Variants in NME5 observed in about 807,000 individuals in gnomAD.
NME5 encodes nucleoside diphosphate kinase 5.
NME5 carries 18 observed loss-of-function variants against 21.6 expected under a neutral mutation model. That is an observed-to-expected ratio of 0.83 (90% CI 0.58 to 1.24). The LOEUF (loss-of-function observed/expected upper bound fraction) is 1.24. Among genes scored for constraint, NME5 ranks in the 50% most tolerant of loss-of-function variants. The pLI, the probability that NME5 is intolerant of heterozygous loss-of-function variation, is 0.00. For missense variants in NME5, 223 were observed against 255.4 expected (o/e 0.87, Z 0.86); for synonymous variants, 70 against 80.6 (o/e 0.87, Z 0.71).
At chr5:138,137,321 T>A (rs2151172282) in intron 2 of NME5, among the ~76,000 whole-genome samples, 1 of 151,960 alleles carries the variant, frequency 6.6e-6, no homozygotes, top group Admixed American at 6.6e-5. Flanking sequence ...TCTCTTTATT[T>A]ATTTATTTAT....
chr5:138,120,205 C>T (rs954341360), intron 4 of NME5, among the ~76,000 whole-genome samples: 1 of 146,442 alleles, frequency 6.8e-6, no homozygotes, highest in East Asian at 2.0e-4. Context: ...GCTGGATTTA[C>T]AGGTGCAAAC....
At chr5:138,136,106 T>G (rs1398187274) in intron 2 of NME5, among the ~76,000 whole-genome samples, 4 of 152,212 alleles carry the variant, frequency 2.6e-5, no homozygotes, top group African/African-American at 9.6e-5. Context: ...TTTTCAATCT[T>G]TTGTTGATAA....
chr5:138,126,187 A>G (rs1751420080), intron 4 of NME5, among the ~76,000 whole-genome samples: 1 of 152,200 alleles, frequency 6.6e-6, no homozygotes, highest in African/African-American at 2.4e-5. Context: ...GATTAATTTA[A>G]TGAGTAAAAT....
At chr5:138,118,377 G>T (rs533690621) in intron 5 of NME5, among the ~76,000 whole-genome samples, 1 of 151,954 alleles carries the variant, frequency 6.6e-6, no homozygotes, top group Non-Finnish European at 1.5e-5. Flanking sequence ...CACCCACCTC[G>T]GCCTCCCAAA....
In NME5 at chr5:138,117,808, C is replaced by A. The variant is rs1184552567; in HGVS notation, c.555+1010G>T. On this transcript the variant is annotated intron_variant, in intron 5 of 5. Coordinates refer to ENST00000265191, the MANE Select transcript of NME5 (RefSeq NM_003551.3). ...GACCAGCCTGGCCAACATGAAGAAA[C>A]CCTGTCTCTACTAAAAATACAAAAA... Among the ~76,000 whole-genome samples, 4 of 152,052 alleles carry A rather than the reference C, an allele frequency of 2.6e-5. No homozygotes were observed. The East Asian group carries it at 5.9e-4, about 22-fold the overall frequency.
At chr5:138,120,228 C>CTTTT (rs1561586430) in intron 4 of NME5, among the ~76,000 whole-genome samples, 1 of 40,394 alleles carries the variant, frequency 2.5e-5, no homozygotes, top group Non-Finnish European at 5.9e-5. Context: ...CTGCTCCCAG[C>CTTTT]TCTTTTTTTT....
intron 2 of NME5, among the ~76,000 whole-genome samples, chr5:138,137,698 G>A (rs908925640): frequency 2.6e-5 from 4 of 150,998 alleles, no homozygotes; most frequent in Admixed American, 1.3e-4. Context: ...TTGGAAGTTC[G>A]AATGAGAATA....
chr5:138,115,722 GT>G lies in NME5; in HGVS notation c.597del (p.Lys199AsnfsTer10), dbSNP rs1751142564. ...ADWLLKNNPN[K>X]PKLCHHPIVE... Reference sequence around the variant, plus strand: ...ACAATTGGATGGTGACAAAGTTTGGGTTTGTTAGGATTATTTTTCAGCAGCC... The same window carrying G: ...ACAATTGGATGGTGACAAAGTTTGGGTTGTTAGGATTATTTTTCAGCAGCC... On this transcript the variant is annotated frameshift_variant, in exon 6 of 6. Transcript: ENST00000265191. LOFTEE classifies it high-confidence loss of function. The G allele has an allele frequency of 1.3e-6, 2 of 1,578,786 alleles. No homozygotes were observed. Among genetic ancestry groups the G allele is most frequent in the Non-Finnish European group, 1.7e-6 (2 of 1,169,144 alleles).
At chr5:138,132,675 G>A (rs531637290) in intron 2 of NME5, among the ~76,000 whole-genome samples, 2 of 152,266 alleles carry the variant, frequency 1.3e-5, no homozygotes, top group African/African-American at 4.8e-5. Flanking sequence ...TGCTTGGTTT[G>A]TAGCAAGGGA....
At chr5:138,115,834 A>C (rs1328092700) in intron 5 of NME5, 70 bp from the exon 6 acceptor site, 6 of 988,750 alleles carry the variant, frequency 6.1e-6, no homozygotes, top group Non-Finnish European at 7.3e-6. Flanking sequence ...ATACTATATC[A>C]ATTGGAAACT....
intron 4 of NME5, 47 bp from the exon 5 acceptor site, chr5:138,118,983 T>C: frequency 9.3e-7 from 1 of 1,071,060 alleles, no homozygotes; most frequent in Non-Finnish European, 1.4e-6. Flanking sequence ...AATGATTAAA[T>C]ACTATACAAT....
At chr5:138,131,043 C>G (rs1288506741) in intron 2 of NME5, among the ~76,000 whole-genome samples, 1 of 151,366 alleles carries the variant, frequency 6.6e-6, no homozygotes, top group Non-Finnish European at 1.5e-5. Context: ...CCAGCCTAGC[C>G]AACATGGTGA....
rs1554090660 is a variant in NME5 at position 138,138,595 on chromosome 5, A to T, written c.129+57T>A. 5.1e-6 allele frequency: 6 copies of T among 1,181,534 alleles called. No homozygotes were observed. The Admixed American group carries it at 7.4e-5, about 15-fold the overall frequency. The allele number at this position is 1,181,534 out of a possible 1,614,324, so 73.2% of individuals were successfully genotyped here. On this transcript the variant is annotated intron_variant, in intron 2 of 5. Transcript: ENST00000265191. ...AATGGGTAGGCACATTTACATAAGCATTTTTTTTTTAAGGGCAGAGAGGAA... is the reference window on the plus strand; with the variant it reads ...AATGGGTAGGCACATTTACATAAGCTTTTTTTTTTTAAGGGCAGAGAGGAA...
chr5:138,115,601 G>T lies in NME5; in HGVS notation c.*80C>A. 2.5e-6 allele frequency: 2 copies of T among 792,416 alleles called. No individual in the cohort carries two copies. The highest frequency in any genetic ancestry group is 1.9e-6 in the Non-Finnish European group (1 of 513,600). 49.1% of individuals were successfully genotyped at this position (792,416 alleles called of 1,614,324 possible). A position where few individuals can be genotyped will look rare whatever the true frequency, so the allele number is the denominator to read the frequency against. On this transcript the variant is annotated 3_prime_UTR_variant, in exon 6 of 6. Transcript: ENST00000265191. Reference sequence around the variant, plus strand: ...TTTACTTGTAGTTACTTAAACCCTAGAAATAATTTTTTCAAACAGTAGAAG... The same window carrying T: ...TTTACTTGTAGTTACTTAAACCCTATAAATAATTTTTTCAAACAGTAGAAG...
At position 138,115,742 on chromosome 5, in the gene NME5, A is replaced by T. The variant is rs764132401; in HGVS notation, c.578T>A (p.Leu193Gln). ...TTTGGGTTTGTTAGGATTATTTTTC[A>T]GCAGCCAATCAGCTAGCCAAATCTA... ...DPLIWLADWL[L>Q]KNNPNKPKLC... The change falls in exon 6 of 6, where the codon CTG (leucine) becomes CAG (glutamine). Residue 193 changes from leucine (L) to glutamine (Q), a missense_variant. Physicochemically the swap from Leu to Gln is moderately radical, Grantham distance 113. Transcript: ENST00000265191. The T allele has an allele frequency of 6.3e-7, 1 of 1,584,498 alleles. No homozygotes were observed. The highest frequency in any genetic ancestry group is 2.3e-5 in the East Asian group (1 of 44,426).
intron 5 of NME5, among the ~76,000 whole-genome samples, chr5:138,117,463 A>C (rs954230713): frequency 6.6e-6 from 1 of 152,140 alleles, no homozygotes; most frequent in Non-Finnish European, 1.5e-5. Context: ...CATATATCTA[A>C]TAAGGGTTTA....
At chr5:138,126,608 T>C (rs1032269807) in intron 4 of NME5, among the ~76,000 whole-genome samples, 4 of 147,136 alleles carry the variant, frequency 2.7e-5, no homozygotes, top group African/African-American at 1.0e-4. Flanking sequence ...CTTCCAAATA[T>C]ACCTTCTATT....
chr5:138,126,532 A>G lies in NME5; in HGVS notation c.436+1947T>C, dbSNP rs1222131723. On this transcript the variant is annotated intron_variant, in intron 4 of 5. Coordinates refer to ENST00000265191, the MANE Select transcript of NME5 (RefSeq NM_003551.3). ...TCTCAAAAAAAAAAAAAAAAAAAAA[A>G]AAAAGAAAGAAAGCGAAAAGAAAGA... Among the ~76,000 whole-genome samples, 582 of 149,912 alleles carry G rather than the reference A, an allele frequency of 3.9e-3. 7 individuals carry two copies. Among genetic ancestry groups the G allele is most frequent in the African/African-American group, 0.013 (550 of 41,018 alleles).
intron 4 of NME5, chr5:138,123,219 A>G (rs1045285403): frequency 6.6e-6 from 1 of 152,220 alleles, no homozygotes; most frequent in East Asian, 1.9e-4. Flanking sequence ...TAATATATGC[A>G]TTACCTCAAA....
Sources: allele counts gnomAD v4.1 joint callset (sites outside exome capture counted in the v4.1 genomes callset), GRCh38; gene constraint gnomAD v4.1.1; transcripts MANE v1.5; gene names NCBI Gene and HGNC (gene_info 2026-07-23, HGNC 2026-07-21).